The following KCTD16 variants were observed in gnomAD, a reference collection of about 807,000 sequenced individuals.
The protein encoded by KCTD16 is BTB/POZ domain-containing protein KCTD16.
In KCTD16, 13 loss-of-function variants were observed where a neutral mutation model predicts 33.2. The observed-to-expected ratio is 0.39, with a 90% confidence interval of 0.25 to 0.62. The LOEUF is 0.62. Among genes scored for constraint, KCTD16 ranks in the 20% least tolerant of loss-of-function variants. KCTD16 has a pLI of 0.50. For synonymous variants in KCTD16, 197 were observed against 195.3 expected, an observed-to-expected ratio of 1.01 and a Z score of -0.07; for missense variants, 441 against 525.1, an observed-to-expected ratio of 0.84 and a Z score of 1.57.
chr5:144,400,978 G>A (rs1205862654), intron 3 of KCTD16, among the ~76,000 whole-genome samples: 1 of 152,142 alleles, frequency 6.6e-6, no homozygotes, highest in Non-Finnish European at 1.5e-5. Flanking sequence ...GAAAAGGCCA[G>A]GGCAATTGGG....
At chr5:144,263,521 A>T (rs891624922) in intron 3 of KCTD16, among the ~76,000 whole-genome samples, 2 of 152,198 alleles carry the variant, frequency 1.3e-5, no homozygotes, top group Non-Finnish European at 2.9e-5. Context: ...AATTATTTTT[A>T]GTCTTTCCTT....
rs1752458856 is a variant in KCTD16 at position 144,174,387 on chromosome 5, A to G, written c.-412A>G. On this transcript the variant is annotated 5_prime_UTR_variant, in exon 2 of 4. Coordinates refer to ENST00000512467, the MANE Select transcript of KCTD16 (RefSeq NM_020768.4). ...TCTCCTACCGTCAGCTATATCCACAAGCATCACATGAAGTGGAGATCTGGC... is the reference window on the plus strand; with the variant it reads ...TCTCCTACCGTCAGCTATATCCACAGGCATCACATGAAGTGGAGATCTGGC... The G allele has an allele frequency of 6.6e-6, 1 of 152,230 alleles. No individual in the cohort carries two copies. The highest frequency in any genetic ancestry group is 2.1e-4 in the South Asian group (1 of 4,836). The allele number at this position is 152,230 out of a possible 1,614,324, so 9.4% of individuals were successfully genotyped here.
At chr5:144,264,391 G>GTA (rs1414301312) in intron 3 of KCTD16, among the ~76,000 whole-genome samples, 1 of 152,244 alleles carries the variant, frequency 6.6e-6, no homozygotes, top group East Asian at 1.9e-4. Context: ...ATCTCTAAAT[G>GTA]TTAATACATA....
At chr5:144,243,603 TA>T (rs1212653323) in intron 3 of KCTD16, among the ~76,000 whole-genome samples, 1 of 152,186 alleles carries the variant, frequency 6.6e-6, no homozygotes, top group African/African-American at 2.4e-5. Context: ...AAGTGAAGTC[TA>T]AGATGATTTT....
rs376113405 is a variant in KCTD16, at chr5:144,454,189, G to A, written c.833-19471G>A. On this transcript the variant is annotated intron_variant, in intron 3 of 3. Transcript: ENST00000512467. ...CTTGTGCTATGTATTATTTTGCTGC[G>A]TAACTCAGAATTCAGGAAGCTACCC... Among the ~76,000 whole-genome samples the A allele has an allele frequency of 2.6e-4, 40 of 152,204 alleles. No individual in the cohort carries two copies. The East Asian group carries it at 6.9e-3, about 26-fold the overall frequency.
At chr5:144,182,593 C>T (rs1445268347) in intron 2 of KCTD16, among the ~76,000 whole-genome samples, 1 of 152,142 alleles carries the variant, frequency 6.6e-6, no homozygotes, top group Admixed American at 6.5e-5. Flanking sequence ...TAATAATATA[C>T]TATTGCATAA....
intron 3 of KCTD16, among the ~76,000 whole-genome samples, chr5:144,278,071 G>A (rs1047738195): frequency 6.6e-6 from 1 of 152,028 alleles, no homozygotes; most frequent in African/African-American, 2.4e-5. Flanking sequence ...CTGTGCTTTT[G>A]GTAGTGTATC....
At chr5:144,388,141 G>A (rs1249928480) in intron 3 of KCTD16, among the ~76,000 whole-genome samples, 2 of 141,720 alleles carry the variant, frequency 1.4e-5, no homozygotes, top group Non-Finnish European at 1.5e-5. Flanking sequence ...GTGCAGTGGC[G>A]GGATATCGGC....
intron 3 of KCTD16, among the ~76,000 whole-genome samples, chr5:144,428,218 G>A (rs1475932373): frequency 1.3e-5 from 2 of 152,116 alleles, no homozygotes; most frequent in Non-Finnish European, 2.9e-5. Flanking sequence ...CAAGAACATT[G>A]GAAATAGATA....
chr5:144,417,081 C>T lies in KCTD16; in HGVS notation c.833-56579C>T, dbSNP rs539583690. Among the ~76,000 whole-genome samples, 25 of 152,294 alleles carry T rather than the reference C, an allele frequency of 1.6e-4. No individual in the cohort carries two copies. In the South Asian group the frequency reaches 5.2e-3, roughly 32 times the overall value. Reference sequence around the variant, plus strand: ...TTTTTGTGAATAGCGCTGCTATCATCATGCTTGAACAGGTACTTGTTTGAA... The same window carrying T: ...TTTTTGTGAATAGCGCTGCTATCATTATGCTTGAACAGGTACTTGTTTGAA... On this transcript the variant is annotated intron_variant, in intron 3 of 3. Coordinates refer to ENST00000512467, the MANE Select transcript of KCTD16 (RefSeq NM_020768.4).
At chr5:144,341,169 T>C (rs764940219) in intron 3 of KCTD16, among the ~76,000 whole-genome samples, 6 of 152,284 alleles carry the variant, frequency 3.9e-5, no homozygotes, top group East Asian at 1.9e-4. Flanking sequence ...CCATGCAATA[T>C]ATGGTATTTT....
intron 3 of KCTD16, among the ~76,000 whole-genome samples, chr5:144,371,257 C>A (rs1268234305): frequency 6.6e-6 from 1 of 151,994 alleles, no homozygotes; most frequent in Admixed American, 6.6e-5. Context: ...ATATATTGTA[C>A]TTTCATTTTA....
At chr5:144,307,666 G>C (rs1580861023) in intron 3 of KCTD16, among the ~76,000 whole-genome samples, 1 of 152,190 alleles carries the variant, frequency 6.6e-6, no homozygotes, top group South Asian at 2.1e-4. Flanking sequence ...CTCATCACTA[G>C]TCTAGAATGC....
At chr5:144,437,473 A>G (rs945182558) in intron 3 of KCTD16, among the ~76,000 whole-genome samples, 1 of 152,174 alleles carries the variant, frequency 6.6e-6, no homozygotes, top group Admixed American at 6.6e-5. Context: ...TACTTACCTC[A>G]TTAGGGTCAC....
Position 144,365,553 on chromosome 5 carries a change from C to A in KCTD16, c.833-108107C>A, listed in dbSNP as rs375956101. ...ACCTAATTACATGCATCTTCAGGAA[C>A]AAAACCAATAGGGATCAATACTCTT... On this transcript the variant is annotated intron_variant, in intron 3 of 3. Transcript: ENST00000512467. 4.6e-4 allele frequency among the ~76,000 whole-genome samples: 70 copies of A among 152,282 alleles called. No homozygotes were observed. In the South Asian group the frequency reaches 0.014, roughly 31 times the overall value.
rs190715497 is a variant in KCTD16 at position 144,381,052 on chromosome 5, G to C, written c.833-92608G>C. Among the ~76,000 whole-genome samples the C allele has an allele frequency of 4.3e-4, 65 of 152,170 alleles. 1 individual carries two copies. The highest frequency in any genetic ancestry group is 3.2e-3 in the Admixed American group (49 of 15,266). On this transcript the variant is annotated intron_variant, in intron 3 of 3. Coordinates refer to ENST00000512467, the MANE Select transcript of KCTD16 (RefSeq NM_020768.4). ...ATGGGATAAGACATTTGCAAACTAT[G>C]CATCTGATAAAGGTCTAATATCCTG...
intron 2 of KCTD16, among the ~76,000 whole-genome samples, chr5:144,188,633 C>T (rs1051228361): frequency 5.9e-5 from 9 of 152,190 alleles, no homozygotes; most frequent in Non-Finnish European, 1.0e-4. Context: ...AATAAAGAGG[C>T]ATCTAACCAA....
chr5:144,308,439 G>C (rs1751668092), intron 3 of KCTD16, among the ~76,000 whole-genome samples: 2 of 152,178 alleles, frequency 1.3e-5, no homozygotes, highest in African/African-American at 4.8e-5. Flanking sequence ...TAGCCCGCCT[G>C]AGGCGGGTGG....
At chr5:144,433,156 G>A (rs1561606121) in intron 3 of KCTD16, among the ~76,000 whole-genome samples, 1 of 152,200 alleles carries the variant, frequency 6.6e-6, no homozygotes, top group Non-Finnish European at 1.5e-5. Flanking sequence ...AATAGTAAGT[G>A]TAGGAGGTCA....
Sources: gnomAD v4.1 joint callset for allele counts (sites outside exome capture counted in the v4.1 genomes callset) on GRCh38, gnomAD v4.1.1 for gene constraint, MANE v1.5 for transcripts, NCBI Gene and HGNC (gene_info 2026-07-23, HGNC 2026-07-21) for gene names.